The following CEP85L variants were observed in gnomAD, a reference collection of about 807,000 sequenced individuals.
CEP85L encodes the protein centrosomal protein 85L, also known as centrosomal protein of 85 kDa-like.
A neutral mutation model predicts 100.3 loss-of-function variants in CEP85L; 60 were observed. The ratio of observed to expected loss-of-function variants is 0.60; its 90% CI spans 0.49 to 0.74. The LOEUF is 0.74. Among genes scored for constraint, CEP85L ranks in the 30% least tolerant of loss-of-function variants. The pLI, the probability that CEP85L is intolerant of heterozygous loss-of-function variation, is 0.00. For synonymous variants in CEP85L, 319 were observed against 322.7 expected (o/e 0.99, Z 0.12); for missense variants, 973 against 936.2 (o/e 1.04, Z -0.51).
At chr6:118,592,709 A>T (rs1781260003) in intron 2 of CEP85L, among the ~76,000 whole-genome samples, 1 of 152,198 alleles carries the variant, frequency 6.6e-6, no homozygotes, top group African/African-American at 2.4e-5. Flanking sequence ...TGAAAAATTT[A>T]TGCAAACCTC....
In CEP85L at chr6:118,479,821, G is replaced by C. The variant is rs1337839390; in HGVS notation, c.1914+50C>G. 4 of 870,436 alleles carry C rather than the reference G, an allele frequency of 4.6e-6. No individual in the cohort carries two copies. In the South Asian group the frequency reaches 5.1e-5, roughly 11 times the overall value. 53.9% of individuals were successfully genotyped at this position (870,436 alleles called of 1,614,324 possible). A position where few individuals can be genotyped will look rare whatever the true frequency, so the allele number is the denominator to read the frequency against. On this transcript the variant is annotated intron_variant, in intron 10 of 12. Coordinates refer to ENST00000368491, the MANE Select transcript of CEP85L (RefSeq NM_001042475.3). ...TATTTTCAGATTAAATAAGCATTAA[G>C]AGTATATCAGAATATAGCTAAATTA...
intron 2 of CEP85L, among the ~76,000 whole-genome samples, chr6:118,594,489 G>GAA (rs1471423813): frequency 6.6e-6 from 1 of 152,030 alleles, no homozygotes; most frequent in African/African-American, 2.4e-5. Context: ...ATAATCAAAA[G>GAA]AAAAAACTTA....
rs1562297733 is a variant in CEP85L at position 118,600,300 on chromosome 6, G to GGGGGTGTGTGTGT, written c.232+32152_232+32153insACACACACACCCC. 3.4e-4 allele frequency among the ~76,000 whole-genome samples: 18 copies of GGGGGTGTGTGTGT among 52,234 alleles called. 3 individuals are homozygous for GGGGGTGTGTGTGT. Among genetic ancestry groups the GGGGGTGTGTGTGT allele is most frequent in the East Asian group, 5.9e-4 (1 of 1,682 alleles). 34.3% of individuals were successfully genotyped at this position (52,234 alleles called of 152,430 possible). A position where few individuals can be genotyped will look rare whatever the true frequency, so the allele number is the denominator to read the frequency against. ...CTGCCTGTCCCTGAGCCTTCCTGGG[G>GGGGGTGTGTGTGT]GTGTGTGTGTGTGTGTGTGTGTGTG... On this transcript the variant is annotated intron_variant, in intron 2 of 12. Transcript: ENST00000368491.
chr6:118,619,654 A>AC (rs369219089), intron 2 of CEP85L, among the ~76,000 whole-genome samples: 11 of 152,212 alleles, frequency 7.2e-5, no homozygotes, highest in Admixed American at 5.2e-4. Context: ...ATTTAGGCCC[A>AC]CCCATGTGCA....
intron 1 of CEP85L, among the ~76,000 whole-genome samples, chr6:118,670,958 A>G (rs570135223): frequency 1.2e-5 from 1 of 83,100 alleles, no homozygotes; most frequent in African/African-American, 4.4e-5. Flanking sequence ...TTTTTTATGT[A>G]AAAAAAAAAA....
At chr6:118,539,827 A>G (rs1043396724) in intron 3 of CEP85L, among the ~76,000 whole-genome samples, 1 of 152,122 alleles carries the variant, frequency 6.6e-6, no homozygotes, top group African/African-American at 2.4e-5. Flanking sequence ...ATCAATTGGG[A>G]TTTATCTGAC....
chr6:118,478,470 G>A (rs1057491776), intron 10 of CEP85L, among the ~76,000 whole-genome samples: 1 of 152,014 alleles, frequency 6.6e-6, no homozygotes, highest in Non-Finnish European at 1.5e-5. Context: ...TGTATCTATA[G>A]ATCTCTGTGT....
intron 5 of CEP85L, chr6:118,501,788 G>A (rs1442554191): frequency 9.5e-7 from 1 of 1,049,428 alleles, no homozygotes; most frequent in Non-Finnish European, 1.5e-6. Context: ...TCACAGAGTG[G>A]GGAGGATGGA....
chr6:118,469,391 T>C, intron 11 of CEP85L, 88 bp from the exon 12 acceptor site: 1 of 1,004,010 alleles, frequency 1.0e-6, no homozygotes, highest in East Asian at 2.4e-5. Context: ...CCCCCAAGTC[T>C]ATAAACAAAA....
intron 4 of CEP85L, among the ~76,000 whole-genome samples, chr6:118,522,494 T>C (rs538706241): frequency 6.6e-6 from 1 of 152,186 alleles, no homozygotes; most frequent in African/African-American, 2.4e-5. Flanking sequence ...TTTCCTAAAA[T>C]CAATTAAAAC....
At chr6:118,677,782 G>A (rs1776527819) in intron 1 of CEP85L, among the ~76,000 whole-genome samples, 1 of 151,974 alleles carries the variant, frequency 6.6e-6, no homozygotes, top group African/African-American at 2.4e-5. Flanking sequence ...ATTTTACCAT[G>A]CCCACCACCT....
chr6:118,500,334 CTATT>C (rs1467543371), intron 5 of CEP85L, among the ~76,000 whole-genome samples: 1 of 148,670 alleles, frequency 6.7e-6, no homozygotes, highest in African/African-American at 2.5e-5. Flanking sequence ...AAACAGCAAA[CTATT>C]TATCATGAAC....
At chr6:118,536,631 T>C (rs1010997408) in intron 3 of CEP85L, among the ~76,000 whole-genome samples, 11 of 152,134 alleles carry the variant, frequency 7.2e-5, no homozygotes, top group African/African-American at 2.7e-4. Context: ...TAAGTTCCTA[T>C]CTCATCATCA....
upstream of CEP85L, among the ~76,000 whole-genome samples, chr6:118,656,399 AG>A (rs1237453871): frequency 1.3e-5 from 2 of 152,190 alleles, no homozygotes; most frequent in Non-Finnish European, 2.9e-5. Context: ...AATGAGAGTA[AG>A]GGAGTAAAAG....
At chr6:118,592,479 G>A (rs1396707610) in intron 2 of CEP85L, among the ~76,000 whole-genome samples, 1 of 151,804 alleles carries the variant, frequency 6.6e-6, no homozygotes, top group Non-Finnish European at 1.5e-5. Context: ...TAATTTTAAG[G>A]CTAATTGACC....
chr6:118,525,477 T>C (rs186516123), intron 3 of CEP85L, among the ~76,000 whole-genome samples: 1 of 152,276 alleles, frequency 6.6e-6, no homozygotes, highest in Admixed American at 6.5e-5. Flanking sequence ...TAATTCAATG[T>C]TTGGTGTCCC....
At chr6:118,523,655 T>C (rs928964760) in intron 4 of CEP85L, 147 bp downstream of exon 4, 12 of 454,928 alleles carry the variant, frequency 2.6e-5, no homozygotes, top group South Asian at 1.4e-4. Flanking sequence ...CTTTAAAGGA[T>C]TGGGATTGAG....
intron 5 of CEP85L, among the ~76,000 whole-genome samples, chr6:118,498,638 A>G (rs2114648004): frequency 7.1e-6 from 1 of 140,360 alleles, no homozygotes; most frequent in Admixed American, 7.0e-5. Context: ...GAAAGGAAAA[A>G]GGGAGGAAAG....
chr6:118,652,544 A>G, upstream of CEP85L: 1 of 1,414,018 alleles, frequency 7.1e-7, no homozygotes, highest in Non-Finnish European at 9.2e-7. Flanking sequence ...CAGGTCGCTT[A>G]ACTAGAGAGG....
Sources: gnomAD v4.1 joint callset for allele counts (sites outside exome capture counted in the v4.1 genomes callset) on GRCh38, gnomAD v4.1.1 for gene constraint, MANE v1.5 for transcripts, NCBI Gene and HGNC (gene_info 2026-07-23, HGNC 2026-07-21) for gene names.